DCLRE1A: variants seen among roughly 807,000 people sequenced by gnomAD.
DCLRE1A encodes DNA cross-link repair 1A protein.
DCLRE1A carries 64 observed loss-of-function variants against 91.9 expected under a neutral mutation model. The ratio of observed to expected loss-of-function variants is 0.70; its 90% CI spans 0.57 to 0.86. The LOEUF is 0.86. DCLRE1A is among the 40% of genes least tolerant of loss of function. The pLI, the probability that DCLRE1A is intolerant of heterozygous loss-of-function variation, is 0.00. For missense variants in DCLRE1A, 1,145 were observed against 1,213.3 expected, an observed-to-expected ratio of 0.94 and a Z score of 0.84; for synonymous variants, 416 against 431.1, an observed-to-expected ratio of 0.96 and a Z score of 0.43.
chr10:113,850,843 A>G (rs1845638309), intron 1 of DCLRE1A, among the ~76,000 whole-genome samples, 199 bp from the exon 2 acceptor site: 1 of 152,120 alleles, frequency 6.6e-6, no homozygotes. Flanking sequence ...AATTTGAGAA[A>G]TTGGTTAATT....
rs991737062 is a variant in DCLRE1A, at chr10:113,845,943, AT to A, written c.2260-141del. 1.4e-5 allele frequency: 11 copies of A among 766,798 alleles called. No homozygotes were observed. In the Admixed American group the frequency reaches 1.9e-4, roughly 13 times the overall value. 47.5% of individuals were successfully genotyped at this position (766,798 alleles called of 1,614,324 possible). On this transcript the variant is annotated intron_variant, in intron 3 of 8. Coordinates refer to ENST00000361384, the MANE Select transcript of DCLRE1A (RefSeq NM_014881.5). ...TAAACACTCCACAATGCCAGGAAGAATTTCCTATAATGGCTGTGCCACTACT... is the reference window on the plus strand; with the variant it reads ...TAAACACTCCACAATGCCAGGAAGAATTCCTATAATGGCTGTGCCACTACT...
intron 7 of DCLRE1A, among the ~76,000 whole-genome samples, chr10:113,840,414 G>A (rs751759165): frequency 8.5e-5 from 13 of 152,142 alleles, no homozygotes; most frequent in East Asian, 3.9e-4. Context: ...GCATCAGAAC[G>A]CAGTCTGTAG....
chr10:113,848,736 C>T (rs1473354141), intron 2 of DCLRE1A, among the ~76,000 whole-genome samples: 1 of 152,140 alleles, frequency 6.6e-6, no homozygotes, highest in East Asian at 1.9e-4. Context: ...GTAATATCCA[C>T]CTAACTAGTA....
intron 7 of DCLRE1A, among the ~76,000 whole-genome samples, chr10:113,838,472 A>G (rs1845395787): frequency 6.6e-6 from 1 of 152,250 alleles, no homozygotes; most frequent in African/African-American, 2.4e-5. Context: ...CCACAAAAAC[A>G]TCATTAGCTT....
At chr10:113,851,972 A>G (rs1427996947) in intron 1 of DCLRE1A, among the ~76,000 whole-genome samples, 3 of 152,118 alleles carry the variant, frequency 2.0e-5, no homozygotes, top group Non-Finnish European at 4.4e-5. Flanking sequence ...TCCACCTCCC[A>G]AAGTACTGGG....
chr10:113,852,011 C>T (rs1287660551), intron 1 of DCLRE1A, among the ~76,000 whole-genome samples: 3 of 152,186 alleles, frequency 2.0e-5, no homozygotes, highest in Non-Finnish European at 2.9e-5. Flanking sequence ...TGTGCCCAGC[C>T]TATTTATAAT....
At chr10:113,839,266 A>G (rs572928642) in intron 7 of DCLRE1A, among the ~76,000 whole-genome samples, 41 of 142,770 alleles carry the variant, frequency 2.9e-4, no homozygotes, top group African/African-American at 1.1e-3. Flanking sequence ...TGGAGGTTGC[A>G]GTGAGCCAAG....
intron 5 of DCLRE1A, 89 bp from the exon 6 acceptor site, chr10:113,842,577 C>A: frequency 7.9e-7 from 1 of 1,270,340 alleles, no homozygotes. Flanking sequence ...CAAGCGTTAG[C>A]AACTTACATA....
rs1036040801 is a variant in DCLRE1A at position 113,849,445 on chromosome 10, T to C, written c.1660A>G (p.Met554Val). 9.9e-6 allele frequency: 16 copies of C among 1,614,142 alleles called. No homozygotes were observed. The highest frequency in any genetic ancestry group is 1.4e-5 in the Non-Finnish European group (16 of 1,180,008). ...TACACACCTATATCCATTTGCTTCA[T>C]TACCTTGGTAGAAGGATGTCTTGCA... ...YNARHPSTKVMKQMDIGVYFG... is the reference protein window; with the variant it reads ...YNARHPSTKVVKQMDIGVYFG... Residue 554 changes from methionine to valine, a missense_variant, in exon 2 of 9, where the codon ATG becomes GTG. Physicochemically the swap from Met to Val is conservative, Grantham distance 21. Coordinates refer to ENST00000361384, the MANE Select transcript of DCLRE1A (RefSeq NM_014881.5).
chr10:113,849,765 A>G lies in DCLRE1A; in HGVS notation c.1340T>C (p.Ile447Thr), dbSNP rs767950272. ...SAQSNKQKQVIEESSVYNQVS... is the reference protein window; with the variant it reads ...SAQSNKQKQVTEESSVYNQVS... Reference sequence around the variant, plus strand: ...TTGATTGTAAACAGATGATTCTTCAATTACCTGTTTCTGTTTATTTGATTG... The same window carrying G: ...TTGATTGTAAACAGATGATTCTTCAGTTACCTGTTTCTGTTTATTTGATTG... Residue 447 changes from isoleucine (I) to threonine (T), a missense_variant, in exon 2 of 9, where the codon ATT becomes ACT. Coordinates refer to ENST00000361384, the MANE Select transcript of DCLRE1A (RefSeq NM_014881.5). The G allele has an allele frequency of 2.7e-5, 44 of 1,614,082 alleles. No homozygotes were observed. In the South Asian group the frequency reaches 4.8e-4, roughly 18 times the overall value.
In DCLRE1A at chr10:113,849,042, G is replaced by T. The variant is rs1845591134; in HGVS notation, c.2063C>A (p.Pro688Gln). The change falls in exon 2 of 9, where the codon CCA becomes CAA. Residue 688 changes from proline to glutamine, a missense_variant. Transcript: ENST00000361384. ...TGATCCTCCTACATTAGATGACTCT[G>T]GGATTTTCTTGTTGCCCCTTTGCAG... is the stretch of plus-strand genomic sequence containing the variant. ...GGLQRGNKKI[P>Q]ESSNVGGSRK... The T allele has an allele frequency of 8.1e-6, 13 of 1,614,064 alleles. No individual in the cohort carries two copies. The highest frequency in any genetic ancestry group is 1.1e-5 in the Non-Finnish European group (13 of 1,180,010).
rs1402635683 is a variant in DCLRE1A at position 113,849,550 on chromosome 10, T to A, written c.1555A>T (p.Thr519Ser). ...GACAAGTTTTCTGTATTTAAAATTGTAGCTTTACCAACTGGCACACCCTCT... is the reference window on the plus strand; with the variant it reads ...GACAAGTTTTCTGTATTTAAAATTGAAGCTTTACCAACTGGCACACCCTCT... Reference protein sequence around the residue: ...ALEGVPVGKATILNTENLSST... With the variant: ...ALEGVPVGKASILNTENLSST... The change falls in exon 2 of 9, where the codon ACA (threonine) becomes TCA (serine). Residue 519 changes from threonine (T) to serine (S), a missense_variant. By Grantham distance (58) the Thr-to-Ser change is moderately conservative. Coordinates refer to ENST00000361384, the MANE Select transcript of DCLRE1A (RefSeq NM_014881.5). 7 of 1,613,800 alleles carry A rather than the reference T, an allele frequency of 4.3e-6. No homozygotes were observed. In the East Asian group the frequency reaches 1.6e-4, roughly 36 times the overall value.
rs372291413 is a variant in DCLRE1A at position 113,849,962 on chromosome 10, T to G, written c.1143A>C (p.Leu381=). ...GAGAAATAGGTTGAGACAAATCATT[T>G]AGACTATTGAATCTATACAATCCTT... The part of the protein sequence containing the change: ...YDEGLYRFNS[L]NDLSQPISQN... The change falls in exon 2 of 9, where the codon CTA becomes CTC. Residue 381 remains leucine, a synonymous_variant. Transcript: ENST00000361384. 6.2e-7 allele frequency: 1 copy of G among 1,614,080 alleles called. No individual in the cohort carries two copies. The highest frequency in any genetic ancestry group is 1.3e-5 in the African/African-American group (1 of 74,944).
At chr10:113,841,649 C>A in intron 6 of DCLRE1A, 89 bp from the exon 7 acceptor site, 4 of 1,354,008 alleles carry the variant, frequency 3.0e-6, no homozygotes, top group South Asian at 1.6e-5. Flanking sequence ...TAAGAATTTA[C>A]CAAATAAAAG....
chr10:113,842,042 A>G (rs921909757), intron 6 of DCLRE1A, among the ~76,000 whole-genome samples: 1 of 152,242 alleles, frequency 6.6e-6, no homozygotes, highest in Non-Finnish European at 1.5e-5. Context: ...CAGCAATACA[A>G]CTATGCATTA....
rs1454438239 is a variant in DCLRE1A, at chr10:113,849,839, A to T, written c.1266T>A (p.Val422=). The stretch of plus-strand genomic sequence containing the variant: ...CAGGTTTTGCTTTAGTTGCCTGATG[A>T]ACAGAAGCAGCAAGCTTCCCTGCCA... ...PALAGKLAAS[V]HQATKAKPDE... The change falls in exon 2 of 9, where the codon GTT becomes GTA. Residue 422 remains valine, a synonymous_variant. Transcript: ENST00000361384. 1 of 1,614,130 alleles carries T rather than the reference A, an allele frequency of 6.2e-7. No individual in the cohort carries two copies. Among genetic ancestry groups the T allele is most frequent in the East Asian group, 2.2e-5 (1 of 44,886 alleles).
chr10:113,848,173 C>T (rs963316435), intron 2 of DCLRE1A, among the ~76,000 whole-genome samples: 2 of 152,052 alleles, frequency 1.3e-5, no homozygotes, highest in Non-Finnish European at 2.9e-5. Context: ...AAAAATTAGC[C>T]GGGCGTTGTG....
Position 113,849,444 on chromosome 10 carries a change from A to T in DCLRE1A, c.1661T>A (p.Met554Lys). The T allele has an allele frequency of 6.2e-7, 1 of 1,614,082 alleles. No homozygotes were observed. Among genetic ancestry groups the T allele is most frequent in the South Asian group, 1.1e-5 (1 of 91,080 alleles). Residue 554 changes from methionine to lysine, a missense_variant, in exon 2 of 9, where the codon ATG becomes AAG. Met to Lys is a moderately conservative substitution (Grantham distance 95). Transcript: ENST00000361384. ...ATACACACCTATATCCATTTGCTTC[A>T]TTACCTTGGTAGAAGGATGTCTTGC... ...YNARHPSTKV[M>K]KQMDIGVYFG...
chr10:113,838,907 T>C (rs761776595), intron 7 of DCLRE1A, among the ~76,000 whole-genome samples: 14 of 152,240 alleles, frequency 9.2e-5, no homozygotes, highest in Non-Finnish European at 1.6e-4. Flanking sequence ...TTGAAAACTG[T>C]ATTAGGATTA....
Sources: allele counts gnomAD v4.1 joint callset (sites outside exome capture counted in the v4.1 genomes callset), GRCh38; gene constraint gnomAD v4.1.1; transcripts MANE v1.5; gene names NCBI Gene and HGNC (gene_info 2026-07-23, HGNC 2026-07-21).